The following CDH2 variants were observed in gnomAD, a reference collection of about 807,000 sequenced individuals.
The protein encoded by CDH2 is cadherin 2.
A neutral mutation model predicts 92.0 loss-of-function variants in CDH2; 17 were observed. That is an observed-to-expected ratio of 0.18 (90% CI 0.13 to 0.28). CDH2 has a LOEUF of 0.28. CDH2 is among the 10% of genes least tolerant of loss of function. The probability of loss-of-function intolerance (pLI) is 1.00; values close to 1 mark genes in which losing one functional copy is unlikely to be tolerated. For synonymous variants in CDH2, 419 were observed against 415.9 expected (o/e 1.01, Z -0.09); for missense variants, 862 against 1,133.1 (o/e 0.76, Z 3.44).
At chr18:28,148,686 C>T (rs1282333011) in intron 1 of CDH2, among the ~76,000 whole-genome samples, 2 of 152,046 alleles carry the variant, frequency 1.3e-5, no homozygotes, top group African/African-American at 4.8e-5. Context: ...ATTCCAGTGG[C>T]CATAGGGACA....
chr18:28,000,617 A>G (rs948890992), intron 7 of CDH2, among the ~76,000 whole-genome samples: 3 of 152,144 alleles, frequency 2.0e-5, no homozygotes, highest in African/African-American at 7.2e-5. Context: ...TGGACATGAA[A>G]TGGAAAGGCC....
At chr18:27,956,676 A>G (rs2011253159) in intron 15 of CDH2, among the ~76,000 whole-genome samples, 1 of 152,180 alleles carries the variant, frequency 6.6e-6, no homozygotes, top group African/African-American at 2.4e-5. Context: ...GTTATTTGAT[A>G]TCACTCCCGC....
At chr18:27,974,730 G>A (rs565284019) in intron 14 of CDH2, among the ~76,000 whole-genome samples, 8 of 152,250 alleles carry the variant, frequency 5.3e-5, no homozygotes, top group East Asian at 1.9e-4. Context: ...GATTAGTGCC[G>A]TTATAAAGAA....
intron 15 of CDH2, among the ~76,000 whole-genome samples, chr18:27,962,363 C>T (rs1441417827): frequency 2.0e-5 from 3 of 152,196 alleles, no homozygotes; most frequent in Non-Finnish European, 4.4e-5. Context: ...GTTATAGAGA[C>T]AGGCAACTAT....
chr18:28,005,723 G>T, intron 6 of CDH2, 126 bp downstream of exon 6: 1 of 612,266 alleles, frequency 1.6e-6, no homozygotes, highest in Non-Finnish European at 2.6e-6. Context: ...TTTCCCAAAA[G>T]CATTATGAAT....
chr18:27,992,608 C>T, intron 9 of CDH2, 47 bp downstream of exon 9: 2 of 1,507,700 alleles, frequency 1.3e-6, no homozygotes, highest in Non-Finnish European at 9.0e-7. Context: ...TATATTGGTC[C>T]TTGCTGAGCA....
intron 2 of CDH2, among the ~76,000 whole-genome samples, chr18:28,028,319 T>C (rs147496024): frequency 3.3e-5 from 5 of 152,210 alleles, no homozygotes; most frequent in Non-Finnish European, 5.9e-5. Context: ...CGTTACTGTT[T>C]TGTGAAACTT....
At position 28,177,032 on chromosome 18, in the gene CDH2, G is replaced by C. The variant is rs1027046836; in HGVS notation, c.-10C>G. ...CCGCTATCCGGCACATGGAGGCGGA[G>C]AGGGGCCGAGCGAAGAGCCGGAGGA... On this transcript the variant is annotated 5_prime_UTR_variant, in exon 1 of 16. Coordinates refer to ENST00000269141, the MANE Select transcript of CDH2 (RefSeq NM_001792.5). 1.1e-5 allele frequency: 17 copies of C among 1,488,244 alleles called. No homozygotes were observed. Among genetic ancestry groups the C allele is most frequent in the Non-Finnish European group, 1.5e-5 (17 of 1,122,842 alleles). The allele number at this position is 1,488,244 out of a possible 1,614,324, so 92.2% of individuals were successfully genotyped here.
rs3833200 is a variant in CDH2 at position 28,177,057 on chromosome 18, A to AGGCGGC, written c.-41_-36dup. The AGGCGGC allele has an allele frequency of 3.0e-3, 3,896 of 1,302,412 alleles. 81 individuals carry two copies. The African/African-American group carries it at 0.043, about 14-fold the overall frequency. The allele number at this position is 1,302,412 out of a possible 1,614,324, so 80.7% of individuals were successfully genotyped here. On this transcript the variant is annotated 5_prime_UTR_variant, in exon 1 of 16. Transcript: ENST00000269141. ...GAGGGGCCGAGCGAAGAGCCGGAGG[A>AGGCGGC]GGCGGCGGCGGCGGCGGCGGCGGCG...
chr18:27,998,899 T>C (rs560192413), intron 7 of CDH2, among the ~76,000 whole-genome samples: 21 of 152,226 alleles, frequency 1.4e-4, no homozygotes, highest in Non-Finnish European at 2.9e-4. Context: ...TGGAGAAGAC[T>C]GGTGTGGAAC....
At chr18:28,174,991 CTT>C (rs1400453871) in intron 1 of CDH2, among the ~76,000 whole-genome samples, 7 of 152,184 alleles carry the variant, frequency 4.6e-5, no homozygotes, top group Non-Finnish European at 1.5e-5. Flanking sequence ...ACACAGGAGT[CTT>C]TAAGTTTGTC....
At chr18:28,069,258 A>G (rs117223853) in intron 2 of CDH2, among the ~76,000 whole-genome samples, 2,031 of 152,278 alleles carry the variant, frequency 0.013, 47 homozygotes, top group Non-Finnish European at 0.013. Flanking sequence ...TTGTTTATGT[A>G]GAATTTGACA....
chr18:28,045,367 A>C, intron 2 of CDH2: 1 of 463,000 alleles, frequency 2.2e-6, no homozygotes, highest in Non-Finnish European at 4.5e-6. Flanking sequence ...TATCAGGTTT[A>C]AACTTATAAA....
At chr18:28,016,464 A>T (rs2013248567) in intron 2 of CDH2, among the ~76,000 whole-genome samples, 1 of 144,490 alleles carries the variant, frequency 6.9e-6, no homozygotes, top group East Asian at 1.9e-4. Context: ...AAACCCAGGG[A>T]CTTCAAAAAA....
At position 28,008,333 on chromosome 18, in the gene CDH2, G is replaced by A. The variant is rs182693955; in HGVS notation, c.702+1384C>T. 2.8e-4 allele frequency among the ~76,000 whole-genome samples: 42 copies of A among 152,220 alleles called. No individual in the cohort carries two copies. In the East Asian group the frequency reaches 7.3e-3, roughly 27 times the overall value. On this transcript the variant is annotated intron_variant, in intron 5 of 15. Transcript: ENST00000269141. Reference sequence around the variant, plus strand: ...TTTTCCTATGTTTCAGAACTATATGGAAAGCATTAGAATAACCTATTCCTC... The same window carrying A: ...TTTTCCTATGTTTCAGAACTATATGAAAAGCATTAGAATAACCTATTCCTC...
At chr18:28,162,275 T>A (rs2016317282) in intron 1 of CDH2, among the ~76,000 whole-genome samples, 1 of 152,214 alleles carries the variant, frequency 6.6e-6, no homozygotes, top group Non-Finnish European at 1.5e-5. Flanking sequence ...CCCACTAGGA[T>A]GTCTCTGTGC....
chr18:27,998,720 G>C (rs1004874392), intron 7 of CDH2, among the ~76,000 whole-genome samples: 4 of 152,092 alleles, frequency 2.6e-5, no homozygotes, highest in African/African-American at 9.7e-5. Flanking sequence ...CAGGTGACAG[G>C]TGATCCTCTT....
chr18:27,981,467 C>T (rs2012051782), intron 14 of CDH2, among the ~76,000 whole-genome samples: 1 of 152,150 alleles, frequency 6.6e-6, no homozygotes, highest in Admixed American at 6.5e-5. Context: ...TTTCAACGTA[C>T]TTTAAATATG....
intron 2 of CDH2, among the ~76,000 whole-genome samples, chr18:28,015,809 T>C (rs2013228840): frequency 6.6e-6 from 1 of 152,182 alleles, no homozygotes; most frequent in Admixed American, 6.5e-5. Flanking sequence ...TGTGATTTTC[T>C]CCTCCCTGCT....
Sources: allele counts gnomAD v4.1 joint callset (sites outside exome capture counted in the v4.1 genomes callset), GRCh38; gene constraint gnomAD v4.1.1; transcripts MANE v1.5; gene names NCBI Gene and HGNC (gene_info 2026-07-23, HGNC 2026-07-21).